Variants in GUCA1C observed in about 807,000 individuals in gnomAD.
GUCA1C encodes the protein guanylyl cyclase-activating protein 3.
In GUCA1C, 15 loss-of-function variants were observed where a neutral mutation model predicts 16.2. That is an observed-to-expected ratio of 0.93 (90% CI 0.62 to 1.43). GUCA1C has a LOEUF of 1.43. Among genes scored for constraint, GUCA1C ranks in the 40% most tolerant of loss-of-function variants. The pLI is 0.00. For missense variants in GUCA1C, 275 were observed against 244.8 expected, an observed-to-expected ratio of 1.12 and a Z score of -0.82; for synonymous variants, 78 against 85.4, an observed-to-expected ratio of 0.91 and a Z score of 0.48.
chr3:108,950,025 C>T (rs553315065), intron 1 of GUCA1C, among the ~76,000 whole-genome samples: 1 of 152,316 alleles, frequency 6.6e-6, no homozygotes, highest in South Asian at 2.1e-4. Context: ...CTTTGACAAA[C>T]ATCTCCCTAT....
At chr3:108,943,872 G>C (rs377298223) in intron 1 of GUCA1C, among the ~76,000 whole-genome samples, 8 of 152,038 alleles carry the variant, frequency 5.3e-5, no homozygotes, top group African/African-American at 1.7e-4. Flanking sequence ...GAGAACATAC[G>C]GTGTTTAGTT....
At chr3:108,924,583 T>TTA (rs1230262427) in intron 1 of GUCA1C, among the ~76,000 whole-genome samples, 2 of 152,026 alleles carry the variant, frequency 1.3e-5, no homozygotes, top group African/African-American at 4.8e-5. Flanking sequence ...TTCATCAGGG[T>TTA]TATTGGTCTG....
chr3:108,955,121 T>C (rs1946935572), upstream of GUCA1C, among the ~76,000 whole-genome samples: 1 of 152,172 alleles, frequency 6.6e-6, no homozygotes, highest in African/African-American at 2.4e-5. Flanking sequence ...TTGTCCCTAT[T>C]CCTTAGTCCT....
At chr3:108,937,752 T>C (rs932940889) in intron 1 of GUCA1C, among the ~76,000 whole-genome samples, 4 of 152,106 alleles carry the variant, frequency 2.6e-5, no homozygotes, top group Non-Finnish European at 4.4e-5. Context: ...CTAAGAACCA[T>C]AGCATCTAGA....
chr3:108,947,459 T>C (rs1056220309), intron 1 of GUCA1C, among the ~76,000 whole-genome samples: 18 of 152,188 alleles, frequency 1.2e-4, no homozygotes, highest in Non-Finnish European at 1.9e-4. Context: ...AAGGGTCAAC[T>C]GTGTATCATA....
chr3:108,918,052 T>TA (rs201559623), intron 2 of GUCA1C, among the ~76,000 whole-genome samples: 3,034 of 151,882 alleles, frequency 0.02, 69 homozygotes, highest in African/African-American at 0.058. Flanking sequence ...CTCAAAAAAA[T>TA]AAAAAAAACT....
intron 1 of GUCA1C, among the ~76,000 whole-genome samples, chr3:108,932,942 AAG>A (rs1946685834): frequency 1.4e-5 from 2 of 143,372 alleles, no homozygotes; most frequent in Admixed American, 6.9e-5. Context: ...AAAAAAAAAA[AAG>A]AAGAAGTCCA....
chr3:108,952,339 T>G (rs968607286), intron 1 of GUCA1C, among the ~76,000 whole-genome samples: 1 of 152,200 alleles, frequency 6.6e-6, no homozygotes, highest in African/African-American at 2.4e-5. Flanking sequence ...CCCACTGATT[T>G]GTCAGCTCCT....
rs965650024 is a variant in GUCA1C, at chr3:108,914,427, C to T, written c.442+1700G>A. 2.0e-5 allele frequency among the ~76,000 whole-genome samples: 3 copies of T among 152,322 alleles called. No homozygotes were observed. In the East Asian group the frequency reaches 5.8e-4, roughly 29 times the overall value. On this transcript the variant is annotated intron_variant, in intron 3 of 3. Transcript: ENST00000261047. ...CGAATACACTATCTGTGTCCTCAAA[C>T]TAATAGAATCTTAGTGTTTTCCTAA...
In GUCA1C at chr3:108,949,808, T is replaced by C. The variant is rs113312264; in HGVS notation, c.204+3751A>G. ...ATATTTATGGTATACAATATGTTAT[T>C]TTTATGTGTATTCAATGTGAGATGA... On this transcript the variant is annotated intron_variant, in intron 1 of 3. Coordinates refer to ENST00000261047, the MANE Select transcript of GUCA1C (RefSeq NM_005459.4). Among the ~76,000 whole-genome samples the C allele has an allele frequency of 4.5e-3, 681 of 152,348 alleles. 8 individuals carry two copies. The highest frequency in any genetic ancestry group is 0.016 in the African/African-American group (654 of 41,576).
upstream of GUCA1C, chr3:108,953,987 A>C (rs1188766242): frequency 1.8e-6 from 1 of 549,248 alleles, no homozygotes; most frequent in African/African-American, 1.9e-5. Context: ...TAACATGCTT[A>C]CAGTCATGCA....
At chr3:108,912,208 C>T (rs1266226234) in intron 3 of GUCA1C, among the ~76,000 whole-genome samples, 1 of 151,666 alleles carries the variant, frequency 6.6e-6, no homozygotes, top group East Asian at 1.9e-4. Context: ...ACCCCTGTGC[C>T]TTAGTTGGCT....
chr3:108,908,282 T>A, intron 3 of GUCA1C, 73 bp from the exon 4 acceptor site: 1 of 839,912 alleles, frequency 1.2e-6, no homozygotes, highest in South Asian at 1.8e-5. Context: ...TACTCACTGG[T>A]ATGTTTATTG....
intron 1 of GUCA1C, among the ~76,000 whole-genome samples, chr3:108,949,879 C>T (rs2715766): frequency 0.35 from 53,267 of 151,954 alleles, 9,811 homozygotes; most frequent in Middle Eastern, 0.49. Context: ...CACATACTTA[C>T]CTTTTTTTGT....
In GUCA1C at chr3:108,937,798, C is replaced by T. The variant is rs758910310; in HGVS notation, c.204+15761G>A. Reference sequence around the variant, plus strand: ...TATTAAGACTACAGAAGGAGGGGAACGCGGTGGCTCAAGCCTGTAATCCCA... The same window carrying T: ...TATTAAGACTACAGAAGGAGGGGAATGCGGTGGCTCAAGCCTGTAATCCCA... On this transcript the variant is annotated intron_variant, in intron 1 of 3. Coordinates refer to ENST00000261047, the MANE Select transcript of GUCA1C (RefSeq NM_005459.4). 7.2e-5 allele frequency among the ~76,000 whole-genome samples: 11 copies of T among 152,110 alleles called. No individual in the cohort carries two copies. In the East Asian group the frequency reaches 9.6e-4, roughly 13 times the overall value.
chr3:108,916,252 T>A, intron 2 of GUCA1C, 38 bp from the exon 3 acceptor site: 1 of 1,593,464 alleles, frequency 6.3e-7, no homozygotes. Flanking sequence ...TCAACTTTTC[T>A]GGAAGCAAAT....
intron 1 of GUCA1C, among the ~76,000 whole-genome samples, chr3:108,949,306 G>GC (rs1337533462): frequency 2.6e-5 from 4 of 152,196 alleles, no homozygotes; most frequent in African/African-American, 9.6e-5. Flanking sequence ...TAACAGTTGA[G>GC]CCAGCTGTCA....
intron 3 of GUCA1C, among the ~76,000 whole-genome samples, chr3:108,913,080 A>G (rs961985033): frequency 6.6e-6 from 1 of 152,148 alleles, no homozygotes; most frequent in Non-Finnish European, 1.5e-5. Context: ...ATTCTTTTGC[A>G]AACAATTAAC....
At chr3:108,927,432 C>CTTTTTTTTT (rs55930777) in intron 1 of GUCA1C, among the ~76,000 whole-genome samples, 13 of 128,268 alleles carry the variant, frequency 1.0e-4, no homozygotes, top group African/African-American at 3.6e-4. Context: ...TTTTTTAATT[C>CTTTTTTTTT]TTTTTTTTTT....
Sources: allele counts gnomAD v4.1 joint callset (sites outside exome capture counted in the v4.1 genomes callset), GRCh38; gene constraint gnomAD v4.1.1; transcripts MANE v1.5; gene names NCBI Gene and HGNC (gene_info 2026-07-23, HGNC 2026-07-21).